The following EIF3J variants were observed in gnomAD, a reference collection of about 807,000 sequenced individuals.
EIF3J encodes eukaryotic translation initiation factor 3, subunit 1 (alpha, 35kD).
A neutral mutation model predicts 39.0 loss-of-function variants in EIF3J; 15 were observed. That is an observed-to-expected ratio of 0.38 (90% CI 0.26 to 0.59). The LOEUF (loss-of-function observed/expected upper bound fraction) is 0.59. Ranked by LOEUF, EIF3J falls within the 20% of genes least tolerant of loss-of-function variation. EIF3J has a pLI of 0.60. For missense variants in EIF3J, 226 were observed against 308.6 expected (o/e 0.73, Z 2.00); for synonymous variants, 98 against 112.9 (o/e 0.87, Z 0.84).
chr15:44,558,322 G>A (rs536376233), intron 6 of EIF3J, among the ~76,000 whole-genome samples: 1 of 152,138 alleles, frequency 6.6e-6, no homozygotes, highest in Non-Finnish European at 1.5e-5. Flanking sequence ...CAATTCTCCT[G>A]GTCTGGCGCA....
At chr15:44,539,035 T>TC in intron 2 of EIF3J, among the ~76,000 whole-genome samples, 1 of 151,622 alleles carries the variant, frequency 6.6e-6, no homozygotes, top group African/African-American at 2.4e-5. Flanking sequence ...TCTTTTTTTT[T>TC]TTTTTTTTGA....
intron 2 of EIF3J, among the ~76,000 whole-genome samples, chr15:44,541,710 G>A (rs1456900114): frequency 6.6e-6 from 1 of 152,214 alleles, no homozygotes; most frequent in African/African-American, 2.4e-5. Flanking sequence ...TACCCAGAAG[G>A]TGGGCATTTT....
chr15:44,551,570 T>C, intron 4 of EIF3J, 48 bp downstream of exon 4: 1 of 1,418,502 alleles, frequency 7.0e-7, no homozygotes, highest in African/African-American at 1.4e-5. Flanking sequence ...GGTAGTGGTA[T>C]AGTTTCTAAC....
intron 2 of EIF3J, among the ~76,000 whole-genome samples, chr15:44,540,255 ATATATATATATATTTTTT>A (rs2082001068): frequency 1.9e-5 from 1 of 52,846 alleles, no homozygotes. Context: ...ATATATATAT[ATATATATATATATTTTTT>A]TTTTTTTTTT....
At chr15:44,547,904 GT>G (rs1045793500) in intron 2 of EIF3J, among the ~76,000 whole-genome samples, 36 of 152,138 alleles carry the variant, frequency 2.4e-4, no homozygotes, top group African/African-American at 8.5e-4. Flanking sequence ...AGTTCTCTCA[GT>G]TTTTATTTAT....
intron 6 of EIF3J, among the ~76,000 whole-genome samples, chr15:44,558,223 T>G (rs2082160793): frequency 6.6e-6 from 1 of 152,082 alleles, no homozygotes; most frequent in African/African-American, 2.4e-5. Context: ...GTATTTGCAG[T>G]TTTTTTGTTG....
At chr15:44,548,500 T>C (rs901468529) in intron 2 of EIF3J, among the ~76,000 whole-genome samples, 5 of 152,150 alleles carry the variant, frequency 3.3e-5, no homozygotes, top group South Asian at 2.1e-4. Context: ...AGCCCAGAAA[T>C]AGACCAAGTA....
chr15:44,539,778 A>T (rs1567114990), intron 2 of EIF3J, among the ~76,000 whole-genome samples: 1 of 127,832 alleles, frequency 7.8e-6, no homozygotes, highest in African/African-American at 3.0e-5. Flanking sequence ...CTATTCATCT[A>T]ATTTTTTGAG....
chr15:44,551,318 G>T, intron 3 of EIF3J, 113 bp from the exon 4 acceptor site: 1 of 710,662 alleles, frequency 1.4e-6, no homozygotes, highest in Non-Finnish European at 2.3e-6. Context: ...AAAAATCACT[G>T]TTTGAAGCTG....
chr15:44,562,065 A>G lies in EIF3J; in HGVS notation c.*916A>G, dbSNP rs1158871218. ...TGTTTTATAAAGCAACTAATTTAATAAAATCACTGTTGTGAGGACTTAAAT... is the reference window on the plus strand; with the variant it reads ...TGTTTTATAAAGCAACTAATTTAATGAAATCACTGTTGTGAGGACTTAAAT... On this transcript the variant is annotated 3_prime_UTR_variant, in exon 8 of 8. Coordinates refer to ENST00000261868, the MANE Select transcript of EIF3J (RefSeq NM_003758.4). 6.6e-6 allele frequency: 1 copy of G among 152,650 alleles called. No homozygotes were observed. Among genetic ancestry groups the G allele is most frequent in the Non-Finnish European group, 1.5e-5 (1 of 68,042 alleles). 9.5% of individuals were successfully genotyped at this position (152,650 alleles called of 1,614,324 possible).
chr15:44,543,236 T>C (rs1467299668), intron 2 of EIF3J, among the ~76,000 whole-genome samples: 1 of 152,136 alleles, frequency 6.6e-6, no homozygotes, highest in Non-Finnish European at 1.5e-5. Flanking sequence ...GTGTGACCAG[T>C]CTCTTTTTGC....
intron 6 of EIF3J, chr15:44,558,989 C>G (rs1004336456): frequency 9.9e-5 from 15 of 152,098 alleles, no homozygotes; most frequent in African/African-American, 3.1e-4. Flanking sequence ...ATAATGCTGT[C>G]CACTGAACAG....
In EIF3J at chr15:44,562,158, A is replaced by C. The variant is rs1355641895; in HGVS notation, c.*1009A>C. 6.6e-6 allele frequency: 1 copy of C among 152,590 alleles called. No homozygotes were observed. Among genetic ancestry groups the C allele is most frequent in the African/African-American group, 2.4e-5 (1 of 41,428 alleles). 9.5% of individuals were successfully genotyped at this position (152,590 alleles called of 1,614,324 possible). A position where few individuals can be genotyped will look rare whatever the true frequency, so the allele number is the denominator to read the frequency against. On this transcript the variant is annotated 3_prime_UTR_variant, in exon 8 of 8. Transcript: ENST00000261868. ...ACAGCTCTTGGGAGTACAGTTCTCT[A>C]CGTTCTCTACTAAATCTTAATAAAT...
At chr15:44,547,043 G>A (rs1393571511) in intron 2 of EIF3J, among the ~76,000 whole-genome samples, 6 of 151,502 alleles carry the variant, frequency 4.0e-5, no homozygotes, top group Non-Finnish European at 8.8e-5. Flanking sequence ...GGCTGGTCTC[G>A]GAACTCCTGG....
intron 2 of EIF3J, among the ~76,000 whole-genome samples, chr15:44,538,704 ATGT>A (rs929249296): frequency 1.3e-5 from 2 of 152,226 alleles, no homozygotes; most frequent in African/African-American, 4.8e-5. Context: ...CTTTATTTAC[ATGT>A]TGTAGAAACA....
At chr15:44,539,422 T>C (rs1056022536) in intron 2 of EIF3J, among the ~76,000 whole-genome samples, 3 of 152,072 alleles carry the variant, frequency 2.0e-5, no homozygotes, top group African/African-American at 7.2e-5. Context: ...CTCTTTTTTT[T>C]TTGGAAATGG....
Position 44,558,189 on chromosome 15 carries a change from G to A in EIF3J, c.571+539G>A, listed in dbSNP as rs894593358. ...CAGCCATGGGTGGTGAAGCAGGAAT[G>A]TATGGAAGGGACTGGTTTTGCTAGT... On this transcript the variant is annotated intron_variant, in intron 6 of 7. Coordinates refer to ENST00000261868, the MANE Select transcript of EIF3J (RefSeq NM_003758.4). 4.6e-5 allele frequency among the ~76,000 whole-genome samples: 7 copies of A among 152,336 alleles called. No individual in the cohort carries two copies. In the South Asian group the frequency reaches 8.3e-4, roughly 18 times the overall value.
intron 2 of EIF3J, among the ~76,000 whole-genome samples, chr15:44,539,829 A>G (rs1199232473): frequency 6.7e-6 from 1 of 149,692 alleles, no homozygotes; most frequent in Non-Finnish European, 1.5e-5. Flanking sequence ...GTGCAGTGGC[A>G]CGATCTCTGC....
At chr15:44,551,205 C>T (rs888015356) in intron 3 of EIF3J, among the ~76,000 whole-genome samples, 3 of 151,998 alleles carry the variant, frequency 2.0e-5, no homozygotes, top group African/African-American at 7.2e-5. Context: ...TGATCTAAGC[C>T]CTGCCTATAG....
Sources: allele counts gnomAD v4.1 joint callset (sites outside exome capture counted in the v4.1 genomes callset), GRCh38; gene constraint gnomAD v4.1.1; transcripts MANE v1.5; gene names NCBI Gene and HGNC (gene_info 2026-07-23, HGNC 2026-07-21).